ITGBL1: variants seen among roughly 807,000 people sequenced by gnomAD.
The protein encoded by ITGBL1 is integrin subunit beta like 1, also known as integrin beta-like protein 1.
ITGBL1 carries 51 observed loss-of-function variants against 68.5 expected under a neutral mutation model. The ratio of observed to expected loss-of-function variants is 0.74; its 90% confidence interval spans 0.59 to 0.94. The LOEUF is 0.94. ITGBL1 is among the 40% of genes least tolerant of loss of function. The pLI is 0.00. For missense variants in ITGBL1, 649 were observed against 647.4 expected (o/e 1.00, Z -0.03); for synonymous variants, 209 against 227.3 (o/e 0.92, Z 0.72).
intron 6 of ITGBL1, 90 bp downstream of exon 6, chr13:101,583,446 A>T (rs2050498662): frequency 1.8e-6 from 2 of 1,095,882 alleles, no homozygotes; most frequent in Middle Eastern, 2.3e-4. Context: ...AGAAAGAATA[A>T]ATAAGACATA....
chr13:101,638,448 CTA>C (rs1293536002), intron 7 of ITGBL1, among the ~76,000 whole-genome samples: 3 of 146,060 alleles, frequency 2.1e-5, no homozygotes, highest in African/African-American at 5.1e-5. Context: ...AAAAAAAAAA[CTA>C]TTTGTATTAG....
At position 101,598,159 on chromosome 13, in the gene ITGBL1, G is replaced by A. The variant is rs1224296374; in HGVS notation, c.875G>A (p.Gly292Glu). The A allele has an allele frequency of 1.2e-6, 2 of 1,612,608 alleles. No homozygotes were observed. Among genetic ancestry groups the A allele is most frequent in the East Asian group, 2.2e-5 (1 of 44,772 alleles). ...TGCCACTCTCACTGTGAAGGTCATG[G>A]ACAGTGTAATTGCGGAAGATGTGAC... ...RYSDDFCSGH[G>E]QCNCGRCDCK... The change falls in exon 7 of 11, where the codon GGA (glycine) becomes GAA (glutamate). Residue 292 changes from glycine (G) to glutamate (E), a missense_variant. Transcript: ENST00000376180.
intron 7 of ITGBL1, among the ~76,000 whole-genome samples, chr13:101,618,675 C>T (rs180754137): frequency 2.2e-4 from 34 of 152,226 alleles, no homozygotes; most frequent in Admixed American, 9.8e-4. Flanking sequence ...CATGGGTTGA[C>T]GCAACAGCCT....
At chr13:101,669,224 A>G (rs976838093) in intron 7 of ITGBL1, among the ~76,000 whole-genome samples, 1 of 152,160 alleles carries the variant, frequency 6.6e-6, no homozygotes, top group Non-Finnish European at 1.5e-5. Context: ...AAGCAAAAAG[A>G]AGCCAATAAT....
At chr13:101,667,778 G>T (rs2033258117) in intron 7 of ITGBL1, among the ~76,000 whole-genome samples, 3 of 152,010 alleles carry the variant, frequency 2.0e-5, no homozygotes, top group Non-Finnish European at 4.4e-5. Flanking sequence ...AGACACATAT[G>T]CATGTGTTAT....
At chr13:101,717,236 TAA>T (rs2034759192), downstream of ITGBL1, 2 of 152,140 alleles carry the variant, frequency 1.3e-5, no homozygotes, top group Non-Finnish European at 2.9e-5. Context: ...AAAATTATTT[TAA>T]GAGAACATTT....
rs535816866 is a variant in ITGBL1, at chr13:101,521,428, G to A, written c.317-46271G>A. Among the ~76,000 whole-genome samples the A allele has an allele frequency of 4.6e-5, 7 of 152,250 alleles. 1 individual carries two copies. Among genetic ancestry groups the A allele is most frequent in the South Asian group, 4.2e-4 (2 of 4,818 alleles). ...AGGGAGGATCAGGGATTTTTGGGCC[G>A]ATGAGAAGCAATTTTAAATTGGGTT... On this transcript the variant is annotated intron_variant, in intron 2 of 10. Coordinates refer to ENST00000376180, the MANE Select transcript of ITGBL1 (RefSeq NM_004791.3).
intron 2 of ITGBL1, among the ~76,000 whole-genome samples, chr13:101,524,656 CTT>C (rs71121199): frequency 2.1e-5 from 3 of 139,572 alleles, no homozygotes; most frequent in Non-Finnish European, 1.5e-5. Context: ...TATTCTTATT[CTT>C]TTTTTTTTTT....
intron 2 of ITGBL1, among the ~76,000 whole-genome samples, chr13:101,514,887 T>G (rs1008170220): frequency 6.6e-6 from 1 of 152,080 alleles, no homozygotes; most frequent in South Asian, 2.1e-4. Context: ...GTTGTACTAA[T>G]AAGCACTTTA....
At chr13:101,648,025 A>C (rs2032619188) in intron 7 of ITGBL1, among the ~76,000 whole-genome samples, 1 of 152,082 alleles carries the variant, frequency 6.6e-6, no homozygotes, top group Non-Finnish European at 1.5e-5. Flanking sequence ...GAGAGATCAA[A>C]CCTAGCAAAG....
At chr13:101,641,352 A>AT (rs951752498) in intron 7 of ITGBL1, among the ~76,000 whole-genome samples, 39 of 151,854 alleles carry the variant, frequency 2.6e-4, no homozygotes, top group Non-Finnish European at 4.9e-4. Flanking sequence ...ATTTCTTTTT[A>AT]TTTTTTTGCA....
chr13:101,456,584 C>G (rs1476370313), intron 2 of ITGBL1, among the ~76,000 whole-genome samples: 1 of 152,100 alleles, frequency 6.6e-6, no homozygotes, highest in Admixed American at 6.6e-5. Flanking sequence ...AAAACAAAAT[C>G]CTTCTCTTAT....
chr13:101,675,352 C>A (rs992204299), intron 7 of ITGBL1, among the ~76,000 whole-genome samples: 9 of 152,064 alleles, frequency 5.9e-5, no homozygotes, highest in Admixed American at 1.3e-4. Context: ...TGTTAGTTTG[C>A]AAAGACTGTC....
chr13:101,497,183 A>C (rs1184622405), intron 2 of ITGBL1, among the ~76,000 whole-genome samples: 1 of 152,244 alleles, frequency 6.6e-6, no homozygotes, highest in Non-Finnish European at 1.5e-5. Flanking sequence ...TCTGTAAGTA[A>C]ATTTACCTGA....
chr13:101,584,966 A>C lies in ITGBL1; in HGVS notation c.868+1610A>C, dbSNP rs368429708. 2.6e-5 allele frequency among the ~76,000 whole-genome samples: 4 copies of C among 151,994 alleles called. No individual in the cohort carries two copies. The East Asian group carries it at 5.8e-4, about 22-fold the overall frequency. On this transcript the variant is annotated intron_variant, in intron 6 of 10. Coordinates refer to ENST00000376180, the MANE Select transcript of ITGBL1 (RefSeq NM_004791.3). ...GCAGGTAAAGAAAGATGAGAGGGGCATTCCAAGCAGAAGGAACAGAGGGAT... is the reference window on the plus strand; with the variant it reads ...GCAGGTAAAGAAAGATGAGAGGGGCCTTCCAAGCAGAAGGAACAGAGGGAT...
chr13:101,696,617 C>G (rs1191927519), intron 8 of ITGBL1, among the ~76,000 whole-genome samples: 1 of 152,088 alleles, frequency 6.6e-6, no homozygotes, highest in African/African-American at 2.4e-5. Context: ...TATAGGAAGC[C>G]TCTCTGAAAT....
chr13:101,610,255 T>C (rs989003323), intron 7 of ITGBL1, among the ~76,000 whole-genome samples: 6 of 152,196 alleles, frequency 3.9e-5, no homozygotes, highest in African/African-American at 1.4e-4. Flanking sequence ...CAATTTGCTC[T>C]GGTTATCAGC....
chr13:101,461,846 A>T (rs1343068176), intron 2 of ITGBL1, among the ~76,000 whole-genome samples: 1 of 152,172 alleles, frequency 6.6e-6, no homozygotes, highest in African/African-American at 2.4e-5. Flanking sequence ...CTGCTACAAC[A>T]AATTACCACA....
chr13:101,539,860 G>T (rs1475442312), intron 2 of ITGBL1, among the ~76,000 whole-genome samples: 1 of 152,146 alleles, frequency 6.6e-6, no homozygotes, highest in Non-Finnish European at 1.5e-5. Context: ...CTTTTGAGAA[G>T]TGTCTGTTCA....
Sources: allele counts gnomAD v4.1 joint callset (sites outside exome capture counted in the v4.1 genomes callset), GRCh38; gene constraint gnomAD v4.1.1; transcripts MANE v1.5; gene names NCBI Gene and HGNC (gene_info 2026-07-23, HGNC 2026-07-21).